SPMIP2: variants seen among roughly 807,000 people sequenced by gnomAD.
The protein encoded by SPMIP2 is protein SPMIP2.
the SPMIP2 span, among the ~76,000 whole-genome samples, chr4:158,931,540 A>C: frequency 1.3e-5 from 2 of 151,948 alleles, no homozygotes; most frequent in African/African-American, 4.8e-5. Flanking sequence ...AATAGGCATG[A>C]GCCACCATGC....
the SPMIP2 span, among the ~76,000 whole-genome samples, chr4:159,021,082 C>G: frequency 6.6e-6 from 1 of 152,148 alleles, no homozygotes; most frequent in Non-Finnish European, 1.5e-5. Context: ...CTTAGGAGGT[C>G]CACAGTGGTG....
the SPMIP2 span, among the ~76,000 whole-genome samples, chr4:158,973,593 T>C: frequency 6.6e-6 from 1 of 152,174 alleles, no homozygotes; most frequent in Non-Finnish European, 1.5e-5. Flanking sequence ...GATTGGTTAC[T>C]TGTCCAGAAT....
the SPMIP2 span, chr4:158,973,313 T>G: frequency 6.3e-7 from 1 of 1,576,084 alleles, no homozygotes; most frequent in Non-Finnish European, 8.7e-7. Flanking sequence ...AGTCTGGACC[T>G]TTAAAAGACA....
chr4:158,904,991 A>G, the SPMIP2 span: 1 of 155,536 alleles, frequency 6.4e-6, no homozygotes, highest in Non-Finnish European at 1.4e-5. Context: ...TGCTATTCTG[A>G]GACAACAATC....
At chr4:158,954,017 G>A in the SPMIP2 span, among the ~76,000 whole-genome samples, 22 of 152,186 alleles carry the variant, frequency 1.4e-4, no homozygotes, top group Non-Finnish European at 2.9e-4. Flanking sequence ...TTTGGACTAT[G>A]GACTTTTGGG....
chr4:158,901,675 C>G, the SPMIP2 span, among the ~76,000 whole-genome samples: 2 of 151,884 alleles, frequency 1.3e-5, no homozygotes, highest in Non-Finnish European at 2.9e-5. Context: ...TTCTTGGAGG[C>G]TTTGTTCGTT....
At chr4:159,054,416 C>T in the SPMIP2 span, among the ~76,000 whole-genome samples, 3 of 152,162 alleles carry the variant, frequency 2.0e-5, no homozygotes, top group East Asian at 3.8e-4. Context: ...GTAGCCCTAA[C>T]TCCTAGGATT....
the SPMIP2 span, among the ~76,000 whole-genome samples, chr4:159,014,414 C>T: frequency 6.6e-6 from 1 of 152,132 alleles, no homozygotes; most frequent in Non-Finnish European, 1.5e-5. Flanking sequence ...GGTCGCACCA[C>T]CGCACTCCAG....
At chr4:158,977,044 G>T in the SPMIP2 span, among the ~76,000 whole-genome samples, 1 of 152,124 alleles carries the variant, frequency 6.6e-6, no homozygotes, top group South Asian at 2.1e-4. Context: ...AGGGATATTG[G>T]CCTGAAATTT....
the SPMIP2 span, among the ~76,000 whole-genome samples, chr4:159,002,900 TTCTC>T: frequency 6.6e-6 from 1 of 152,114 alleles, no homozygotes; most frequent in African/African-American, 2.4e-5. Context: ...AATTACTTTT[TTCTC>T]TCTCTCTGGT....
the SPMIP2 span, among the ~76,000 whole-genome samples, chr4:159,030,060 A>G: frequency 8.5e-5 from 13 of 152,258 alleles, no homozygotes; most frequent in Admixed American, 8.5e-4. Flanking sequence ...ATAATGAAGC[A>G]TCAGTGGAAA....
At chr4:159,062,712 T>TCTCTCTCTCTCTCTCTCTCTCTCTCC in the SPMIP2 span, among the ~76,000 whole-genome samples, 5 of 149,564 alleles carry the variant, frequency 3.3e-5, no homozygotes, top group Non-Finnish European at 7.4e-5. Context: ...TCTCTCTCTC[T>TCTCTCTCTCTCTCTCTCTCTCTCTCC]CTCTCTCTCT....
At chr4:158,905,396 A>G in the SPMIP2 span, 1 of 152,230 alleles carries the variant, frequency 6.6e-6, no homozygotes, top group African/African-American at 2.4e-5. Flanking sequence ...TATAAGCTCA[A>G]GAGTGTTTCG....
the SPMIP2 span, among the ~76,000 whole-genome samples, chr4:158,937,313 A>AT: frequency 6.6e-6 from 1 of 152,252 alleles, no homozygotes; most frequent in African/African-American, 2.4e-5. Flanking sequence ...TTTAGCAATT[A>AT]TTAATAGAGA....
the SPMIP2 span, among the ~76,000 whole-genome samples, chr4:158,900,139 A>C: frequency 3.3e-5 from 5 of 152,164 alleles, no homozygotes; most frequent in African/African-American, 4.8e-5. Context: ...TACAGTTTCC[A>C]TGTAGTTGTG....
chr4:159,073,339 GA>G, the SPMIP2 span, among the ~76,000 whole-genome samples: 1 of 151,776 alleles, frequency 6.6e-6, no homozygotes, highest in African/African-American at 2.4e-5. Context: ...TATTTTGTAG[GA>G]ATGGGGTTTC....
chr4:158,946,525 C>T, the SPMIP2 span, among the ~76,000 whole-genome samples: 1 of 152,138 alleles, frequency 6.6e-6, no homozygotes, highest in Non-Finnish European at 1.5e-5. Context: ...GGCACCTCCC[C>T]CCTGCCCCTT....
chr4:158,950,348 T>C, the SPMIP2 span, among the ~76,000 whole-genome samples: 1 of 152,212 alleles, frequency 6.6e-6, no homozygotes, highest in African/African-American at 2.4e-5. Flanking sequence ...CTGGCTTAAA[T>C]TTCCTCTAAG....
At chr4:159,009,443 AG>A in the SPMIP2 span, among the ~76,000 whole-genome samples, 2 of 152,316 alleles carry the variant, frequency 1.3e-5, no homozygotes, top group Non-Finnish European at 2.9e-5. Flanking sequence ...TTGTTTCTGA[AG>A]GGGAAGAAGT....
Sources: allele counts gnomAD v4.1 joint callset (sites outside exome capture counted in the v4.1 genomes callset), GRCh38; gene constraint gnomAD v4.1.1; transcripts MANE v1.5; gene names NCBI Gene and HGNC (gene_info 2026-07-23, HGNC 2026-07-21).